Variants in ADGRB3 observed in about 807,000 individuals in gnomAD.
The protein encoded by ADGRB3 is adhesion G protein-coupled receptor B3.
Under a neutral mutation model 193.4 loss-of-function variants are expected in ADGRB3, and 37 were observed. That is an observed-to-expected ratio of 0.19 (90% CI 0.15 to 0.25). The LOEUF (loss-of-function observed/expected upper bound fraction) is 0.25. Among genes scored for constraint, ADGRB3 ranks in the 10% least tolerant of loss-of-function variants. The pLI is 1.00. For missense variants in ADGRB3, 1,637 were observed against 1,852.9 expected (o/e 0.88, Z 2.14); for synonymous variants, 690 against 644.2 (o/e 1.07, Z -1.08).
At chr6:69,227,770 A>T (rs530212661) in intron 17 of ADGRB3, among the ~76,000 whole-genome samples, 9 of 152,276 alleles carry the variant, frequency 5.9e-5, no homozygotes, top group East Asian at 5.8e-4. Context: ...TCACCACAGG[A>T]TGCTGAAATC....
At chr6:68,944,029 A>T (rs768163988) in intron 6 of ADGRB3, 35 bp downstream of exon 6, 18 of 1,569,208 alleles carry the variant, frequency 1.1e-5, no homozygotes, top group Non-Finnish European at 1.6e-5. Flanking sequence ...TGTTTGCATT[A>T]TGTGCTTTTT....
chr6:68,904,091 G>GAGGA (rs1294486851), intron 3 of ADGRB3, among the ~76,000 whole-genome samples: 7 of 58,688 alleles, frequency 1.2e-4, no homozygotes, highest in African/African-American at 3.4e-4. Context: ...TGGAGGGCGG[G>GAGGA]AGGAAGGAAG....
chr6:68,709,240 G>A (rs1222794756), intron 3 of ADGRB3, among the ~76,000 whole-genome samples: 1 of 152,164 alleles, frequency 6.6e-6, no homozygotes, highest in Non-Finnish European at 1.5e-5. Context: ...ATAGCGAATA[G>A]CTTTTCCATT....
intron 17 of ADGRB3, among the ~76,000 whole-genome samples, chr6:69,122,245 C>T (rs544104415): frequency 8.6e-5 from 13 of 151,670 alleles, no homozygotes; most frequent in East Asian, 2.0e-4. Flanking sequence ...GGTCAGGAGC[C>T]GGAGACCAGC....
intron 3 of ADGRB3, among the ~76,000 whole-genome samples, chr6:68,867,413 G>A (rs1040558295): frequency 2.0e-5 from 3 of 152,208 alleles, no homozygotes; most frequent in African/African-American, 4.8e-5. Flanking sequence ...GAGGATGTAT[G>A]GAAACACCTG....
intron 20 of ADGRB3, among the ~76,000 whole-genome samples, chr6:69,313,283 C>T (rs113247741): frequency 5.9e-5 from 9 of 151,828 alleles, no homozygotes; most frequent in Admixed American, 4.6e-4. Context: ...GTGCAGCCAA[C>T]GTTGGGAAAT....
intron 20 of ADGRB3, among the ~76,000 whole-genome samples, chr6:69,324,132 T>C (rs1005636281): frequency 1.3e-5 from 2 of 151,968 alleles, no homozygotes; most frequent in Non-Finnish European, 2.9e-5. Context: ...TGCTGATGAG[T>C]CACAACTAAT....
intron 17 of ADGRB3, among the ~76,000 whole-genome samples, chr6:69,137,393 G>T (rs1207708273): frequency 6.6e-6 from 1 of 151,402 alleles, no homozygotes; most frequent in Non-Finnish European, 1.5e-5. Context: ...TCATCTGGAT[G>T]GACCAGCTGA....
chr6:68,900,632 T>TA (rs1468552563), intron 3 of ADGRB3, among the ~76,000 whole-genome samples: 6 of 152,224 alleles, frequency 3.9e-5, no homozygotes, highest in South Asian at 4.1e-4. Flanking sequence ...ATGAACAAAG[T>TA]ACCATGGTGA....
intron 17 of ADGRB3, chr6:69,232,574 T>G: frequency 6.5e-7 from 1 of 1,535,604 alleles, no homozygotes; most frequent in Non-Finnish European, 8.7e-7. Flanking sequence ...GGGAAAGAAA[T>G]GTCAAGGACG....
chr6:68,849,149 T>C (rs1582252381), intron 3 of ADGRB3, among the ~76,000 whole-genome samples: 1 of 152,124 alleles, frequency 6.6e-6, no homozygotes, highest in Admixed American at 6.6e-5. Flanking sequence ...GAAATGGTTC[T>C]TGAATCATGA....
At chr6:68,779,490 TTA>T (rs1215495030) in intron 3 of ADGRB3, among the ~76,000 whole-genome samples, 23 of 151,906 alleles carry the variant, frequency 1.5e-4, no homozygotes, top group Non-Finnish European at 2.9e-5. Context: ...TGCAGAAGAC[TTA>T]CACTGACATA....
At chr6:68,919,424 C>T (rs1248000433) in intron 3 of ADGRB3, among the ~76,000 whole-genome samples, 1 of 152,030 alleles carries the variant, frequency 6.6e-6, no homozygotes, top group Admixed American at 6.6e-5. Flanking sequence ...TTATGAGGCA[C>T]TTAGTGTAGG....
chr6:68,967,465 C>T (rs1408541640), intron 8 of ADGRB3, among the ~76,000 whole-genome samples: 5 of 152,046 alleles, frequency 3.3e-5, no homozygotes, highest in Non-Finnish European at 7.4e-5. Flanking sequence ...AGATATAGCC[C>T]TCCAAGGCCA....
intron 3 of ADGRB3, among the ~76,000 whole-genome samples, chr6:68,656,524 G>T (rs924711614): frequency 6.6e-6 from 1 of 151,448 alleles, no homozygotes; most frequent in Non-Finnish European, 1.5e-5. Context: ...TATTATTATT[G>T]CCAACATAAA....
chr6:69,141,880 A>G (rs1354646691), intron 17 of ADGRB3, among the ~76,000 whole-genome samples: 1 of 152,232 alleles, frequency 6.6e-6, no homozygotes, highest in African/African-American at 2.4e-5. Context: ...AGATTTGCCT[A>G]TATGAAGCTA....
chr6:69,229,333 T>C lies in ADGRB3; in HGVS notation c.2481-3957T>C, dbSNP rs147773935. On this transcript the variant is annotated intron_variant, in intron 17 of 31. Coordinates refer to ENST00000370598, the MANE Select transcript of ADGRB3 (RefSeq NM_001704.3). Reference sequence around the variant, plus strand: ...GGTAAGGCATATGCACCAAAAGTAATATAGATTTGCCTAAATTTTAGAAAT... The same window carrying C: ...GGTAAGGCATATGCACCAAAAGTAACATAGATTTGCCTAAATTTTAGAAAT... Among the ~76,000 whole-genome samples the C allele has an allele frequency of 1.6e-3, 236 of 152,246 alleles. 3 individuals carry two copies. Among genetic ancestry groups the C allele is most frequent in the African/African-American group, 5.3e-3 (219 of 41,562 alleles).
chr6:68,723,838 G>T (rs1472452634), intron 3 of ADGRB3, among the ~76,000 whole-genome samples: 2 of 151,622 alleles, frequency 1.3e-5, no homozygotes, highest in East Asian at 2.0e-4. Flanking sequence ...AGATTATTTT[G>T]CCCCCAGCGG....
At chr6:68,666,531 G>C (rs906489908) in intron 3 of ADGRB3, among the ~76,000 whole-genome samples, 5 of 151,710 alleles carry the variant, frequency 3.3e-5, no homozygotes, top group Admixed American at 3.3e-4. Flanking sequence ...CTGTTGACAC[G>C]CAAGTTAGTC....
Sources: gnomAD v4.1 joint callset for allele counts (sites outside exome capture counted in the v4.1 genomes callset) on GRCh38, gnomAD v4.1.1 for gene constraint, MANE v1.5 for transcripts, NCBI Gene and HGNC (gene_info 2026-07-23, HGNC 2026-07-21) for gene names.